Variants in FABP12 observed in about 807,000 individuals in gnomAD.
FABP12 encodes fatty acid-binding protein 12.
FABP12 carries 19 observed loss-of-function variants against 13.7 expected under a neutral mutation model. That is an observed-to-expected ratio of 1.39 (90% CI 0.97 to 2.04). The LOEUF (loss-of-function observed/expected upper bound fraction) is 2.04. Among genes scored for constraint, FABP12 ranks in the 30% most tolerant of loss-of-function variants. The probability of loss-of-function intolerance (pLI) is 0.00; values close to 1 mark genes in which losing one functional copy is unlikely to be tolerated. For synonymous variants in FABP12, 61 were observed against 57.0 expected, an observed-to-expected ratio of 1.07 and a Z score of -0.32; for missense variants, 182 against 164.2, an observed-to-expected ratio of 1.11 and a Z score of -0.59.
At chr8:81,581,926 A>G (rs1397090881) in intron 1 of FABP12, among the ~76,000 whole-genome samples, 1 of 152,128 alleles carries the variant, frequency 6.6e-6, no homozygotes, top group African/African-American at 2.4e-5. Context: ...AAGGAAGAGG[A>G]AAAGCTCAAA....
chr8:81,578,823 G>GTTTCTTTTTTTTTTTT lies in FABP12; in HGVS notation c.-185+11229_-185+11230insAAAAAAAAAAAAGAAA, dbSNP rs71268012. On this transcript the variant is annotated intron_variant, in intron 1 of 5. Transcript: ENST00000692030. ...TACAGAATCTGACACATTTGTTCAAGTTTTTTTTTTTTTTTTTTTGAGAAG... is the reference window on the plus strand; with the variant it reads ...TACAGAATCTGACACATTTGTTCAAGTTTCTTTTTTTTTTTTTTTTTTTTTTTTTTTTTTTGAGAAG... 4.0e-4 allele frequency among the ~76,000 whole-genome samples: 42 copies of GTTTCTTTTTTTTTTTT among 105,658 alleles called. 5 individuals carry two copies. The highest frequency in any genetic ancestry group is 1.7e-3 in the African/African-American group (41 of 24,604). 69.3% of individuals were successfully genotyped at this position (105,658 alleles called of 152,430 possible). A position where few individuals can be genotyped will look rare whatever the true frequency, so the allele number is the denominator to read the frequency against.
chr8:81,530,241 C>G (rs1280915126), intron 2 of FABP12, among the ~76,000 whole-genome samples: 6 of 152,092 alleles, frequency 3.9e-5, no homozygotes, highest in African/African-American at 1.4e-4. Context: ...GCTTTTTCCC[C>G]TTATCTTGTC....
intron 3 of FABP12, 98 bp from the exon 4 acceptor site, chr8:81,527,219 C>G: frequency 4.6e-6 from 3 of 645,858 alleles, no homozygotes; most frequent in Non-Finnish European, 7.9e-6. Context: ...GTAATACTCT[C>G]AGGTAGTTTT....
At chr8:81,562,667 C>T (rs1016410716) in intron 1 of FABP12, among the ~76,000 whole-genome samples, 3 of 152,124 alleles carry the variant, frequency 2.0e-5, no homozygotes, top group Non-Finnish European at 4.4e-5. Context: ...GTGGTGGCCA[C>T]AGGAGAGAAG....
chr8:81,533,460 G>C (rs1052062814), intron 1 of FABP12, among the ~76,000 whole-genome samples: 1 of 151,994 alleles, frequency 6.6e-6, no homozygotes. Context: ...CAGACGATTC[G>C]CTTCCACCCA....
upstream of FABP12, among the ~76,000 whole-genome samples, chr8:81,538,763 C>T (rs191863626): frequency 6.6e-6 from 1 of 152,254 alleles, no homozygotes; most frequent in African/African-American, 2.4e-5. Flanking sequence ...TTTGTTGTGG[C>T]AACCCCAGGA....
intron 1 of FABP12, among the ~76,000 whole-genome samples, chr8:81,551,884 T>C (rs1809528576): frequency 1.3e-5 from 2 of 152,146 alleles, no homozygotes. Context: ...CATTCATTCA[T>C]TCATTCATGT....
chr8:81,588,154 T>G (rs1418904142), intron 1 of FABP12, among the ~76,000 whole-genome samples: 1 of 152,174 alleles, frequency 6.6e-6, no homozygotes, highest in Non-Finnish European at 1.5e-5. Flanking sequence ...AATGTTAATC[T>G]CCTTTGGTAA....
At chr8:81,572,988 T>C (rs1411648320) in intron 1 of FABP12, among the ~76,000 whole-genome samples, 3 of 152,202 alleles carry the variant, frequency 2.0e-5, no homozygotes, top group Non-Finnish European at 2.9e-5. Flanking sequence ...ATTTATTGCA[T>C]TTGCTTTTGT....
At chr8:81,567,559 AGAC>A (rs1381918504) in intron 1 of FABP12, among the ~76,000 whole-genome samples, 1 of 152,214 alleles carries the variant, frequency 6.6e-6, no homozygotes, top group African/African-American at 2.4e-5. Context: ...ATTGGAGAAA[AGAC>A]AGTCTCTTCA....
intron 1 of FABP12, among the ~76,000 whole-genome samples, chr8:81,560,146 C>T (rs1809697997): frequency 1.3e-5 from 2 of 152,172 alleles, no homozygotes; most frequent in Admixed American, 1.3e-4. Context: ...GCAATGGTCT[C>T]CAGGTACAAT....
intron 1 of FABP12, among the ~76,000 whole-genome samples, chr8:81,580,483 G>T (rs566458757): frequency 6.0e-5 from 9 of 149,836 alleles, no homozygotes; most frequent in Admixed American, 2.0e-4. Context: ...CCAGTGGTCT[G>T]CCCAAGTAAC....
chr8:81,536,554 C>T (rs543187660), upstream of FABP12, among the ~76,000 whole-genome samples: 26 of 152,318 alleles, frequency 1.7e-4, 1 homozygote, highest in African/African-American at 5.1e-4. Context: ...ATTCAATAAA[C>T]ACTTGAGTGC....
At chr8:81,537,410 C>CTT (rs962743449), upstream of FABP12, among the ~76,000 whole-genome samples, 5 of 148,764 alleles carry the variant, frequency 3.4e-5, no homozygotes, top group African/African-American at 9.8e-5. Context: ...AATTCTTCTA[C>CTT]TTTTTTTTTT....
chr8:81,580,349 C>A (rs540680896), intron 1 of FABP12, among the ~76,000 whole-genome samples: 5 of 151,880 alleles, frequency 3.3e-5, no homozygotes, highest in Admixed American at 2.6e-4. Context: ...AATACACTTA[C>A]ATGCCTTTAG....
chr8:81,578,823 G>GTTTTTTTTTTTTTTTTTTTTTT (rs763089399), intron 1 of FABP12, among the ~76,000 whole-genome samples: 1 of 105,666 alleles, frequency 9.5e-6, no homozygotes, highest in African/African-American at 4.1e-5. Flanking sequence ...ATTTGTTCAA[G>GTTTTTTTTTTTTTTTTTTTTTT]TTTTTTTTTT....
At chr8:81,579,572 C>A (rs1293624617) in intron 1 of FABP12, among the ~76,000 whole-genome samples, 1 of 152,114 alleles carries the variant, frequency 6.6e-6, no homozygotes, top group African/African-American at 2.4e-5. Flanking sequence ...CTTGATTACT[C>A]TTTGACACTT....
chr8:81,578,033 A>T (rs1810083580), intron 1 of FABP12, among the ~76,000 whole-genome samples: 4 of 152,106 alleles, frequency 2.6e-5, no homozygotes, highest in Admixed American at 2.6e-4. Flanking sequence ...GTGGTATATT[A>T]AAAAATTATT....
chr8:81,541,182 A>T (rs964881889), intron 1 of FABP12, among the ~76,000 whole-genome samples: 3 of 151,356 alleles, frequency 2.0e-5, no homozygotes, highest in African/African-American at 7.3e-5. Flanking sequence ...AAAAAAAAAA[A>T]TCAACAAATA....
Sources: gnomAD v4.1 joint callset for allele counts (sites outside exome capture counted in the v4.1 genomes callset) on GRCh38, gnomAD v4.1.1 for gene constraint, MANE v1.5 for transcripts, NCBI Gene and HGNC (gene_info 2026-07-23, HGNC 2026-07-21) for gene names.